ANKRD36C: variants seen among roughly 807,000 people sequenced by gnomAD.
The protein encoded by ANKRD36C is ankyrin repeat domain 36C.
ANKRD36C carries 61 observed loss-of-function variants against 276.4 expected under a neutral mutation model. That is an observed-to-expected ratio of 0.22 (90% CI 0.18 to 0.27). The LOEUF (loss-of-function observed/expected upper bound fraction) is 0.27. ANKRD36C is among the 10% of genes least tolerant of loss of function. ANKRD36C has a pLI of 1.00. For synonymous variants in ANKRD36C, 483 were observed against 680.1 expected (o/e 0.71, Z 4.51); for missense variants, 1,447 against 2,032.3 (o/e 0.71, Z 5.54).
intron 6 of ANKRD36C, among the ~76,000 whole-genome samples, chr2:95,964,280 G>A (rs201763733): frequency 6.6e-6 from 1 of 151,392 alleles, no homozygotes; most frequent in Non-Finnish European, 1.5e-5. Flanking sequence ...TTCTAGGGAG[G>A]AGAAATGAAA....
At chr2:95,913,928 G>A (rs1049101853) in intron 40 of ANKRD36C, among the ~76,000 whole-genome samples, 180 bp downstream of exon 42, 5 of 151,392 alleles carry the variant, frequency 3.3e-5, no homozygotes, top group Non-Finnish European at 7.4e-5. Context: ...ATCTTACAGC[G>A]AAGATGATGT....
chr2:95,912,161 G>C, intron 42 of ANKRD36C, 83 bp downstream of exon 44: 1 of 1,517,230 alleles, frequency 6.6e-7, no homozygotes, highest in Non-Finnish European at 8.9e-7. Flanking sequence ...GTGCAGCTTC[G>C]ACCAGCCCCC....
chr2:95,920,571 C>T (rs1246693319), intron 34 of ANKRD36C, among the ~76,000 whole-genome samples: 1 of 132,486 alleles, frequency 7.5e-6, no homozygotes, highest in Admixed American at 7.9e-5. Flanking sequence ...CTTTCTTCAT[C>T]ATGTCATGGC....
At chr2:95,894,938 A>T (rs933564580) in intron 44 of ANKRD36C, among the ~76,000 whole-genome samples, 3 of 150,264 alleles carry the variant, frequency 2.0e-5, no homozygotes, top group African/African-American at 7.3e-5. Context: ...TTCCTGCCTC[A>T]CAATCCGTCT....
rs181583836 is a variant in ANKRD36C, at chr2:95,961,525, G to A, written c.901+827C>T. Among the ~76,000 whole-genome samples, 7 of 152,110 alleles carry A rather than the reference G, an allele frequency of 4.6e-5. No individual in the cohort carries two copies. The East Asian group carries it at 7.7e-4, about 17-fold the overall frequency. ...CAACATTATTTTTCTTTCTAAAATAGTCTGGTTTGAAGGATCATGTTATTC... is the reference window on the plus strand; with the variant it reads ...CAACATTATTTTTCTTTCTAAAATAATCTGGTTTGAAGGATCATGTTATTC... On this transcript the variant is annotated intron_variant, in intron 8 of 66. Transcript: ENST00000456556.
At chr2:95,965,705 C>T (rs1447251340) in intron 6 of ANKRD36C, among the ~76,000 whole-genome samples, 1 of 152,080 alleles carries the variant, frequency 6.6e-6, no homozygotes. Context: ...ATTAAATATG[C>T]TGCAGTCATC....
intron 13 of ANKRD36C, among the ~76,000 whole-genome samples, chr2:95,956,247 C>A (rs375577475): frequency 2.9e-5 from 3 of 105,196 alleles, no homozygotes; most frequent in Admixed American, 2.8e-4. Flanking sequence ...AAAAAACTTA[C>A]GGTCTTGTGG....
chr2:95,889,532 C>G (rs1301943727), intron 48 of ANKRD36C, among the ~76,000 whole-genome samples: 1 of 151,524 alleles, frequency 6.6e-6, no homozygotes, highest in Non-Finnish European at 1.5e-5. Flanking sequence ...CAAAATGATG[C>G]TGTCCCCTGA....
At chr2:95,918,879 TTGTTTC>T (rs1422695521) in intron 34 of ANKRD36C, among the ~76,000 whole-genome samples, 1 of 145,574 alleles carries the variant, frequency 6.9e-6, no homozygotes, top group Non-Finnish European at 1.5e-5. Context: ...AACATAATTT[TTGTTTC>T]TAAAACATGA....
rs1267393608 is a variant in ANKRD36C at position 95,927,304 on chromosome 2, C to T, written c.1867-18G>A. Reference sequence around the variant, plus strand: ...CTTGTAGCCTGAATGGGATTTGAAACAAAATAATCAATACGTAAAGTAGGT... The same window carrying T: ...CTTGTAGCCTGAATGGGATTTGAAATAAAATAATCAATACGTAAAGTAGGT... On this transcript the variant is annotated intron_variant, in intron 27 of 66. Transcript: ENST00000456556. 1.9e-6 allele frequency: 3 copies of T among 1,608,898 alleles called. No individual in the cohort carries two copies. In the African/African-American group the frequency reaches 4.0e-5, roughly 22 times the overall value.
chr2:95,920,301 C>G (rs1286299791), intron 34 of ANKRD36C, among the ~76,000 whole-genome samples: 1 of 132,488 alleles, frequency 7.5e-6, no homozygotes, highest in Non-Finnish European at 1.7e-5. Context: ...TTTCGTGCAA[C>G]AAATCAAAAG....
intron 42 of ANKRD36C, 131 bp from the exon 53 acceptor site, chr2:95,903,212 G>C (rs1286982819): frequency 5.6e-6 from 8 of 1,432,214 alleles, no homozygotes; most frequent in Non-Finnish European, 7.6e-6. Flanking sequence ...CTTCTACTTT[G>C]TGTCTGGGGA....
chr2:95,947,481 A>G (rs1353935852), intron 17 of ANKRD36C, among the ~76,000 whole-genome samples: 1 of 152,106 alleles, frequency 6.6e-6, no homozygotes, highest in Non-Finnish European at 1.5e-5. Context: ...ATACAAATAG[A>G]TTTTCTAGCT....
chr2:95,859,746 G>C (rs1675517888), intron 61 of ANKRD36C, 115 bp downstream of exon 81: 1 of 1,212,582 alleles, frequency 8.2e-7, no homozygotes, highest in South Asian at 1.5e-5. Flanking sequence ...ATAAGATTAA[G>C]AAGCTTTCTT....
At chr2:95,981,830 C>G (rs1046607201) in intron 4 of ANKRD36C, among the ~76,000 whole-genome samples, 1 of 151,892 alleles carries the variant, frequency 6.6e-6, no homozygotes, top group African/African-American at 2.4e-5. Flanking sequence ...TCTTTTCTCC[C>G]CCTCCCCATA....
At chr2:95,966,216 G>T (rs4613328) in intron 6 of ANKRD36C, among the ~76,000 whole-genome samples, 45,399 of 149,854 alleles carry the variant, frequency 0.3, 6,348 homozygotes, top group East Asian at 0.44. Flanking sequence ...CATTGCTTTT[G>T]GTGTTTTAGT....
At chr2:95,981,462 ATT>A (rs1244190209) in intron 4 of ANKRD36C, among the ~76,000 whole-genome samples, 1 of 147,674 alleles carries the variant, frequency 6.8e-6, no homozygotes, top group Non-Finnish European at 1.5e-5. Context: ...TAAAATATAT[ATT>A]GTATATATTA....
chr2:95,897,559 T>C, intron 44 of ANKRD36C, 94 bp from the exon 59 acceptor site: 3 of 1,480,932 alleles, frequency 2.0e-6, no homozygotes, highest in Admixed American at 2.1e-5. Flanking sequence ...TCCGTCCTCC[T>C]GCCTGTATTA....
intron 62 of ANKRD36C, among the ~76,000 whole-genome samples, chr2:95,856,959 G>T (rs1457948464): frequency 1.3e-5 from 2 of 152,046 alleles, no homozygotes; most frequent in Non-Finnish European, 1.5e-5. Context: ...AGAAAATCAT[G>T]AGATTATTTG....
Sources: allele counts gnomAD v4.1 joint callset (sites outside exome capture counted in the v4.1 genomes callset), GRCh38; gene constraint gnomAD v4.1.1; transcripts MANE v1.5; gene names NCBI Gene and HGNC (gene_info 2026-07-23, HGNC 2026-07-21).